The following TENM2 variants were observed in gnomAD, a reference collection of about 807,000 sequenced individuals.
TENM2 encodes teneurin transmembrane protein 2, also known as teneurin-2.
A neutral mutation model predicts 245.2 loss-of-function variants in TENM2; 52 were observed. The observed-to-expected ratio is 0.21, with a 90% CI of 0.17 to 0.27. The LOEUF (loss-of-function observed/expected upper bound fraction) is 0.27, where lower values mean the gene tolerates loss of function less well. TENM2 is among the 10% of genes least tolerant of loss of function. The probability of loss-of-function intolerance (pLI) is 1.00; values close to 1 mark genes in which losing one functional copy is unlikely to be tolerated. For missense variants in TENM2, 3,046 were observed against 3,666.8 expected, an observed-to-expected ratio of 0.83 and a Z score of 4.37; for synonymous variants, 1,363 against 1,438.9, an observed-to-expected ratio of 0.95 and a Z score of 1.19.
At chr5:167,023,382 G>C in the TENM2 span, among the ~76,000 whole-genome samples, 1 of 152,200 alleles carries the variant, frequency 6.6e-6, no homozygotes, top group Admixed American at 6.5e-5. Context: ...TCACAGATGA[G>C]AAAGTCATAC....
intron 1 of TENM2, among the ~76,000 whole-genome samples, chr5:167,321,337 C>T (rs151125113): frequency 6.6e-6 from 1 of 152,236 alleles, no homozygotes; most frequent in African/African-American, 2.4e-5. Flanking sequence ...GGTGTCATTC[C>T]TGAAGCTTCT....
chr5:167,862,550 C>T (rs911952738), intron 2 of TENM2, among the ~76,000 whole-genome samples: 4 of 152,220 alleles, frequency 2.6e-5, no homozygotes, highest in African/African-American at 4.8e-5. Context: ...AAATCCTCCT[C>T]CTTGTTTTCT....
intron 2 of TENM2, among the ~76,000 whole-genome samples, chr5:167,499,364 A>C (rs1954683522): frequency 6.6e-6 from 1 of 152,170 alleles, no homozygotes; most frequent in African/African-American, 2.4e-5. Flanking sequence ...CTATAGCACC[A>C]GTGCTAAAAA....
At chr5:167,512,142 A>G (rs1479774076) in intron 2 of TENM2, among the ~76,000 whole-genome samples, 2 of 152,310 alleles carry the variant, frequency 1.3e-5, no homozygotes, top group Middle Eastern at 3.4e-3. Context: ...AACTCAAAAA[A>G]CACCTTGAAT....
At chr5:167,891,662 C>T (rs1774771993) in intron 3 of TENM2, among the ~76,000 whole-genome samples, 1 of 152,134 alleles carries the variant, frequency 6.6e-6, no homozygotes, top group Admixed American at 6.5e-5. Flanking sequence ...TGGGAGATCA[C>T]CTCACCTCTG....
chr5:167,145,109 A>T, the TENM2 span, among the ~76,000 whole-genome samples: 1 of 152,138 alleles, frequency 6.6e-6, no homozygotes, highest in African/African-American at 2.4e-5. Context: ...CCCTTGTGAT[A>T]CTGAGCACAC....
At chr5:167,881,942 G>A (rs1035342542) in intron 3 of TENM2, among the ~76,000 whole-genome samples, 3 of 152,122 alleles carry the variant, frequency 2.0e-5, no homozygotes, top group Non-Finnish European at 4.4e-5. Flanking sequence ...CCCAATGCAT[G>A]AAGGATTATC....
chr5:167,872,482 GAAA>G (rs1307416503), intron 2 of TENM2, among the ~76,000 whole-genome samples: 3 of 84,862 alleles, frequency 3.5e-5, no homozygotes, highest in Non-Finnish European at 7.1e-5. Context: ...AAGAAAGAAA[GAAA>G]AAGAAAGAAA....
At chr5:167,403,534 G>T (rs1418890707) in intron 2 of TENM2, among the ~76,000 whole-genome samples, 1 of 152,066 alleles carries the variant, frequency 6.6e-6, no homozygotes, top group East Asian at 1.9e-4. Flanking sequence ...CCTTCTACCT[G>T]AACGTATGGG....
chr5:168,185,897 T>C (rs920935249), intron 13 of TENM2, among the ~76,000 whole-genome samples: 3 of 137,532 alleles, frequency 2.2e-5, no homozygotes, highest in African/African-American at 7.9e-5. Flanking sequence ...ATTGGACATA[T>C]ACTATATACC....
intron 2 of TENM2, among the ~76,000 whole-genome samples, chr5:167,583,473 TACACACACACACAC>T (rs10682735): frequency 6.5e-5 from 9 of 137,460 alleles, no homozygotes; most frequent in African/African-American, 1.1e-4. Flanking sequence ...TGAGTATATG[TACACACACACACAC>T]ACACACACAC....
At chr5:167,654,339 A>G (rs1453943768) in intron 2 of TENM2, among the ~76,000 whole-genome samples, 1 of 152,148 alleles carries the variant, frequency 6.6e-6, no homozygotes, top group African/African-American at 2.4e-5. Flanking sequence ...TGAGGTGCAC[A>G]GGGGTCCACG....
chr5:167,445,811 C>T (rs1765176245), intron 2 of TENM2, among the ~76,000 whole-genome samples: 1 of 152,132 alleles, frequency 6.6e-6, no homozygotes, highest in African/African-American at 2.4e-5. Context: ...CAAACCGTCC[C>T]TGGTCTGGAC....
At chr5:167,466,387 C>CTACAATG (rs1298046425) in intron 2 of TENM2, among the ~76,000 whole-genome samples, 3 of 152,134 alleles carry the variant, frequency 2.0e-5, no homozygotes, top group Non-Finnish European at 4.4e-5. Context: ...CCTCATAGTC[C>CTACAATG]TACAATGTCT....
intron 2 of TENM2, among the ~76,000 whole-genome samples, chr5:167,830,515 G>C (rs1385279318): frequency 3.9e-5 from 6 of 152,108 alleles, no homozygotes; most frequent in Non-Finnish European, 7.3e-5. Flanking sequence ...TAGGCCCCTG[G>C]CATAATGAAG....
intron 4 of TENM2, among the ~76,000 whole-genome samples, chr5:167,973,323 A>AT (rs1781939574): frequency 1.3e-5 from 2 of 152,248 alleles, no homozygotes; most frequent in Admixed American, 1.3e-4. Flanking sequence ...CTAACTAAGG[A>AT]TTTTTGTATT....
chr5:167,084,326 GTTAT>G, the TENM2 span, among the ~76,000 whole-genome samples: 5 of 6,748 alleles, frequency 7.4e-4, no homozygotes, highest in African/African-American at 1.5e-3. Flanking sequence ...AGCCATTTTA[GTTAT>G]ATATATATAT....
intron 2 of TENM2, among the ~76,000 whole-genome samples, chr5:167,425,437 T>C (rs1369178778): frequency 1.3e-5 from 2 of 152,180 alleles, no homozygotes. Flanking sequence ...GGATAACAAA[T>C]AGCACTCAGT....
intron 2 of TENM2, among the ~76,000 whole-genome samples, chr5:167,556,053 T>C (rs938066024): frequency 2.0e-5 from 3 of 152,102 alleles, no homozygotes; most frequent in African/African-American, 7.2e-5. Context: ...CCTATGAACA[T>C]GTTAAATATT....
Sources: gnomAD v4.1 joint callset for allele counts (sites outside exome capture counted in the v4.1 genomes callset) on GRCh38, gnomAD v4.1.1 for gene constraint, MANE v1.5 for transcripts, NCBI Gene and HGNC (gene_info 2026-07-23, HGNC 2026-07-21) for gene names.